RELN: variants seen among roughly 807,000 people sequenced by gnomAD.
The protein encoded by RELN is reelin.
RELN carries 108 observed loss-of-function variants against 427.6 expected under a neutral mutation model. The observed-to-expected ratio is 0.25, with a 90% CI of 0.22 to 0.30. The LOEUF is 0.30. RELN is among the 10% of genes least tolerant of loss of function. The pLI is 1.00. For missense variants in RELN, 3,715 were observed against 4,302.8 expected (o/e 0.86, Z 3.82); for synonymous variants, 1,524 against 1,513.4 (o/e 1.01, Z -0.16).
At chr7:103,578,876 C>T (rs939171004) in intron 28 of RELN, among the ~76,000 whole-genome samples, 2 of 152,118 alleles carry the variant, frequency 1.3e-5, no homozygotes, top group Non-Finnish European at 2.9e-5. Context: ...CAAGGAGACA[C>T]AGTAGAATGT....
At chr7:103,827,361 A>G (rs892687819) in intron 3 of RELN, among the ~76,000 whole-genome samples, 5 of 151,916 alleles carry the variant, frequency 3.3e-5, no homozygotes, top group African/African-American at 1.2e-4. Flanking sequence ...AAGAGGGGGG[A>G]AAATGAAGGG....
chr7:103,982,690 G>A (rs1797017094), intron 1 of RELN, among the ~76,000 whole-genome samples: 1 of 152,102 alleles, frequency 6.6e-6, no homozygotes, highest in African/African-American at 2.4e-5. Context: ...AAGGCAGAGA[G>A]AGAGGACTAA....
At chr7:103,690,362 T>A (rs1297008463) in intron 10 of RELN, among the ~76,000 whole-genome samples, 7 of 152,010 alleles carry the variant, frequency 4.6e-5, no homozygotes, top group Admixed American at 4.6e-4. Flanking sequence ...CACTAGATGT[T>A]CCTTGAGATT....
At chr7:103,818,922 T>C (rs574895102) in intron 3 of RELN, among the ~76,000 whole-genome samples, 1 of 152,014 alleles carries the variant, frequency 6.6e-6, no homozygotes, top group Non-Finnish European at 1.5e-5. Flanking sequence ...TACTTTTTTT[T>C]AAAAAAAGCT....
chr7:103,706,816 C>G (rs980889872), intron 8 of RELN, among the ~76,000 whole-genome samples: 2 of 152,116 alleles, frequency 1.3e-5, no homozygotes, highest in African/African-American at 4.8e-5. Flanking sequence ...GTCATCATCT[C>G]AACTCTCTCT....
At chr7:103,773,483 C>CTTTCTT (rs1216760986) in intron 4 of RELN, among the ~76,000 whole-genome samples, 2 of 146,952 alleles carry the variant, frequency 1.4e-5, no homozygotes, top group African/African-American at 5.0e-5. Flanking sequence ...CTCTCTCTTT[C>CTTTCTT]TTTCTTTTGA....
At chr7:103,479,460 T>A (rs2116965482) in intron 63 of RELN, among the ~76,000 whole-genome samples, 1 of 152,290 alleles carries the variant, frequency 6.6e-6, no homozygotes, top group Admixed American at 6.5e-5. Flanking sequence ...TGGAAAAATA[T>A]TATCTGTCAA....
At chr7:103,856,538 C>T (rs1793948911) in intron 2 of RELN, among the ~76,000 whole-genome samples, 1 of 137,678 alleles carries the variant, frequency 7.3e-6, no homozygotes, top group Non-Finnish European at 1.5e-5. Context: ...CATTGAACTC[C>T]AGCCTGGGCA....
At chr7:103,765,184 A>C (rs1299037625) in intron 4 of RELN, among the ~76,000 whole-genome samples, 6 of 152,258 alleles carry the variant, frequency 3.9e-5, no homozygotes, top group African/African-American at 1.4e-4. Flanking sequence ...ATTTAAGCAC[A>C]GAGGAGGAGG....
rs1830728484 is a variant in RELN, at chr7:103,565,431, T to C, written c.5057A>G (p.Tyr1686Cys). 1.9e-6 allele frequency: 3 copies of C among 1,613,910 alleles called. No individual in the cohort carries two copies. In the South Asian group the frequency reaches 3.3e-5, roughly 18 times the overall value. Residue 1686 changes from tyrosine to cysteine, a missense_variant, in exon 34 of 65, where the codon TAT becomes TGT. This residue lies in a region of RELN where 2,208 missense variants were observed against 2,361.7 expected (regional missense o/e 0.93). Transcript: ENST00000428762. ...FSNSHSVQLQ[Y>C]SLNNGKDWHL... ...CCAGTCCTTGCCATTGTTCAGAGAATACTGGAGCTGTACACTGTGGGAGTT... is the reference window on the plus strand; with the variant it reads ...CCAGTCCTTGCCATTGTTCAGAGAACACTGGAGCTGTACACTGTGGGAGTT...
chr7:103,944,467 G>A (rs779285988), intron 1 of RELN, among the ~76,000 whole-genome samples: 9 of 152,154 alleles, frequency 5.9e-5, no homozygotes, highest in Admixed American at 2.0e-4. Context: ...GAAGGGTGAT[G>A]TAAGTCAGGA....
intron 3 of RELN, among the ~76,000 whole-genome samples, chr7:103,819,347 CTCAAT>C (rs999192834): frequency 4.3e-4 from 66 of 152,046 alleles, no homozygotes; most frequent in African/African-American, 1.5e-3. Flanking sequence ...AAAAAATTAA[CTCAAT>C]GCTTTTACAA....
intron 38 of RELN, among the ~76,000 whole-genome samples, chr7:103,554,150 G>A (rs566405151): frequency 6.6e-6 from 1 of 151,630 alleles, no homozygotes; most frequent in African/African-American, 2.4e-5. Flanking sequence ...CCATGCCACT[G>A]CACTCCAGCC....
At chr7:103,679,860 G>T (rs1389265768) in intron 11 of RELN, among the ~76,000 whole-genome samples, 1 of 152,026 alleles carries the variant, frequency 6.6e-6, no homozygotes, top group Admixed American at 6.6e-5. Context: ...AACTATGCTT[G>T]GTTTCTTCTA....
At chr7:103,764,054 G>T (rs906520871) in intron 4 of RELN, among the ~76,000 whole-genome samples, 3 of 152,174 alleles carry the variant, frequency 2.0e-5, no homozygotes, top group Admixed American at 6.5e-5. Context: ...TGATGATGAA[G>T]ATGCTAACCA....
intron 6 of RELN, among the ~76,000 whole-genome samples, chr7:103,733,491 G>A (rs1281564674): frequency 4.9e-5 from 7 of 142,120 alleles, no homozygotes; most frequent in Non-Finnish European, 9.3e-5. Flanking sequence ...ACATGCACAT[G>A]TATGTTTATT....
chr7:103,518,505 G>GTTTTTTTTTTTTTTTGTT (rs58239018), intron 49 of RELN, among the ~76,000 whole-genome samples: 1 of 114,404 alleles, frequency 8.7e-6, no homozygotes, highest in Admixed American at 8.5e-5. Flanking sequence ...GGTAATTTAA[G>GTTTTTTTTTTTTTTTGTT]TTTTTTTTTT....
intron 27 of RELN, 82 bp downstream of exon 27, chr7:103,593,600 T>C: frequency 8.3e-7 from 1 of 1,200,108 alleles, no homozygotes; most frequent in Non-Finnish European, 1.2e-6. Context: ...GAAAAATTTG[T>C]GTTCTTTGTG....
intron 6 of RELN, among the ~76,000 whole-genome samples, chr7:103,733,520 G>A (rs2115965696): frequency 6.8e-6 from 1 of 146,578 alleles, no homozygotes; most frequent in East Asian, 2.0e-4. Context: ...ATTCACAATA[G>A]CAAAGACTTG....
Sources: allele counts gnomAD v4.1 joint callset (sites outside exome capture counted in the v4.1 genomes callset), GRCh38; gene constraint gnomAD v4.1.1; regional missense constraint gnomAD v4.1.1; transcripts MANE v1.5; gene names NCBI Gene and HGNC (gene_info 2026-07-23, HGNC 2026-07-21).